The following SCARF2 variants were observed in gnomAD, a reference collection of about 807,000 sequenced individuals.
SCARF2 encodes scavenger receptor class F member 2.
A neutral mutation model predicts 73.4 loss-of-function variants in SCARF2; 39 were observed. The ratio of observed to expected loss-of-function variants is 0.53; its 90% CI spans 0.41 to 0.69. SCARF2 has a LOEUF of 0.69. SCARF2 is among the 30% of genes least tolerant of loss of function. SCARF2 has a pLI of 0.00. For synonymous variants in SCARF2, 605 were observed against 590.0 expected (o/e 1.03, Z -0.37); for missense variants, 1,148 against 1,303.5 (o/e 0.88, Z 1.84).
In SCARF2 at chr22:20,425,248, G is replaced by T; in HGVS notation, c.*127C>A. The stretch of plus-strand genomic sequence containing the variant: ...GCTGCAGGACCTGAGCCAATGAGAC[G>T]CAACCTCCGCTAGCCGCGCGGTGCC... On this transcript the variant is annotated 3_prime_UTR_variant, in exon 11 of 11. Transcript: ENST00000622235. This position sits in a 1 kb window ranked among gnomAD's most constrained non-coding sequence, Gnocchi z 4.6. 1.3e-6 allele frequency: 1 copy of T among 780,880 alleles called. No individual in the cohort carries two copies. The highest frequency in any genetic ancestry group is 3.4e-5 in the East Asian group (1 of 29,528). The allele number at this position is 780,880 out of a possible 1,614,324, so 48.4% of individuals were successfully genotyped here.
chr22:20,431,819 G>T lies in SCARF2; in HGVS notation c.260C>A (p.Ser87Ter). The T allele has an allele frequency of 6.3e-7, 1 of 1,598,890 alleles. No individual in the cohort carries two copies. The highest frequency in any genetic ancestry group is 8.5e-7 in the Non-Finnish European group (1 of 1,173,980). The change falls in exon 3 of 11, where the codon TCA becomes TAA. Residue 87 changes from serine to a stop codon, truncating the protein, a stop_gained. Coordinates refer to ENST00000622235, the MANE Select transcript of SCARF2 (RefSeq NM_182895.5). LOFTEE classifies it high-confidence loss of function. ...AGGCCTCACGCACACCTCGTTCTCT[G>T]AGCACGTGGAGTTGCCTTCGCACAC... ...IAVCEGNSTC[S>*]ENEVCVRPGE...
intron 6 of SCARF2, 200 bp from the exon 7 acceptor site, chr22:20,430,033 C>T: frequency 1.6e-6 from 1 of 641,526 alleles, no homozygotes; most frequent in Non-Finnish European, 2.7e-6. Context: ...ACGAATGTTG[C>T]ACAACACTAG....
In SCARF2 at chr22:20,425,467, G is replaced by A. The variant is rs1012115551; in HGVS notation, c.2509C>T (p.Pro837Ser). The change falls in exon 11 of 11, where the codon CCC becomes TCC. Residue 837 changes from proline to serine, a missense_variant. Around this residue, in one of 5 missense-constraint regions of SCARF2, gnomAD observed 169 missense variants for 136.9 expected, o/e 1.23. Coordinates refer to ENST00000622235, the MANE Select transcript of SCARF2 (RefSeq NM_182895.5). The surrounding 1 kb of genome is among the most constrained non-coding windows in gnomAD (Gnocchi z 4.6). Reference sequence around the variant, plus strand: ...TTCTGGATGGGGGTCTTCTTCCGGGGGGTCTCAGGCGCGGGCAAGTCGGTC... The same window carrying A: ...TTCTGGATGGGGGTCTTCTTCCGGGAGGTCTCAGGCGCGGGCAAGTCGGTC... ...AATDLPAPET[P>S]RKKTPIQKPP... The A allele has an allele frequency of 2.1e-6, 3 of 1,405,176 alleles. No homozygotes were observed. Among genetic ancestry groups the A allele is most frequent in the Admixed American group, 2.7e-5 (1 of 36,908 alleles). The allele number at this position is 1,405,176 out of a possible 1,614,324, so 87.0% of individuals were successfully genotyped here. A position where few individuals can be genotyped will look rare whatever the true frequency, so the allele number is the denominator to read the frequency against.
In SCARF2 at chr22:20,429,489, G is replaced by T; in HGVS notation, c.1424+47C>A. 6.2e-7 allele frequency: 1 copy of T among 1,605,476 alleles called. No homozygotes were observed. Among genetic ancestry groups the T allele is most frequent in the Non-Finnish European group, 8.5e-7 (1 of 1,177,380 alleles). ...GGATCTGGGTCCGGTGGCACCCAGA[G>T]GGTGCGGCCTGAACCCAGGCGAAAG... On this transcript the variant is annotated intron_variant, in intron 8 of 10. Transcript: ENST00000622235. This position sits in a 1 kb window ranked among gnomAD's most constrained non-coding sequence, Gnocchi z 5.2.
chr22:20,425,966 G>A lies in SCARF2; in HGVS notation c.2010C>T (p.Gly670=). The change falls in exon 11 of 11, where the codon GGC becomes GGT. Residue 670 remains glycine (G), a synonymous_variant. Transcript: ENST00000622235. This position sits in a 1 kb window ranked among gnomAD's most constrained non-coding sequence, Gnocchi z 4.6. Reference sequence around the variant, plus strand: ...GGCCAGCTGCAGCGGCGCTGTGCTTGCCGTGGATCCAGGACACCTTAGGCT... The same window carrying A: ...GGCCAGCTGCAGCGGCGCTGTGCTTACCGTGGATCCAGGACACCTTAGGCT... ...ATKPKVSWIH[G]KHSAAAAGRA... 6.3e-7 allele frequency: 1 copy of A among 1,594,646 alleles called. No homozygotes were observed. The highest frequency in any genetic ancestry group is 8.5e-7 in the Non-Finnish European group (1 of 1,174,980).
In SCARF2 at chr22:20,425,131, A is replaced by G. The variant is rs2052556742; in HGVS notation, c.*244T>C. ...GTCGGAGCGCTCCATAACTCGGCCA[A>G]TGGGGAGGGAGTCGCCCGCTAAGCG... is the stretch of plus-strand genomic sequence containing the variant. On this transcript the variant is annotated 3_prime_UTR_variant, in exon 11 of 11. Coordinates refer to ENST00000622235, the MANE Select transcript of SCARF2 (RefSeq NM_182895.5). This position sits in a 1 kb window ranked among gnomAD's most constrained non-coding sequence, Gnocchi z 4.6. The G allele has an allele frequency of 2.6e-6, 1 of 391,194 alleles. No individual in the cohort carries two copies. Among genetic ancestry groups the G allele is most frequent in the Non-Finnish European group, 4.5e-6 (1 of 222,056 alleles). 24.2% of individuals were successfully genotyped at this position (391,194 alleles called of 1,614,324 possible). A position where few individuals can be genotyped will look rare whatever the true frequency, so the allele number is the denominator to read the frequency against.
intron 1 of SCARF2, among the ~76,000 whole-genome samples, chr22:20,434,935 C>T (rs959227727): frequency 5.3e-5 from 8 of 152,204 alleles, no homozygotes; most frequent in African/African-American, 1.9e-4. Flanking sequence ...CCTCTGGTTT[C>T]TGTCCCCATC....
intron 1 of SCARF2, among the ~76,000 whole-genome samples, chr22:20,433,890 G>C (rs934918433): frequency 1.3e-5 from 2 of 152,222 alleles, no homozygotes; most frequent in Non-Finnish European, 2.9e-5. Flanking sequence ...AGCCTCTGCA[G>C]GTGTCCCTCC....
chr22:20,427,090 C>T (rs1233344719), intron 10 of SCARF2, among the ~76,000 whole-genome samples: 2 of 152,154 alleles, frequency 1.3e-5, no homozygotes, highest in Non-Finnish European at 2.9e-5. Flanking sequence ...AACTCCCATA[C>T]TCTGTGGATC....
At chr22:20,427,079 C>T (rs1452338647) in intron 10 of SCARF2, among the ~76,000 whole-genome samples, 1 of 151,892 alleles carries the variant, frequency 6.6e-6, no homozygotes, top group African/African-American at 2.4e-5. Flanking sequence ...TGTGTGGATC[C>T]AACTCCCATA....
intron 1 of SCARF2, among the ~76,000 whole-genome samples, chr22:20,435,747 A>G (rs180756837): frequency 4.1e-4 from 62 of 152,068 alleles, no homozygotes; most frequent in African/African-American, 1.4e-3. Context: ...CCCCAACCCA[A>G]CACCTCCCAG....
In SCARF2 at chr22:20,429,175, T is replaced by G; in HGVS notation, c.1540+50A>C. The stretch of plus-strand genomic sequence containing the variant: ...CCCTCACACCCATTTCCCAGCAGCT[T>G]CCTGCGTCGAGAGGTGTTTCTCCCA... On this transcript the variant is annotated intron_variant, in intron 9 of 10. Transcript: ENST00000622235. The surrounding 1 kb of genome is among the most constrained non-coding windows in gnomAD (Gnocchi z 5.2). 2 of 1,612,534 alleles carry G rather than the reference T, an allele frequency of 1.2e-6. No individual in the cohort carries two copies. The highest frequency in any genetic ancestry group is 2.2e-5 in the East Asian group (1 of 44,856).
At chr22:20,434,608 A>G (rs1337437447) in intron 1 of SCARF2, among the ~76,000 whole-genome samples, 1 of 152,210 alleles carries the variant, frequency 6.6e-6, no homozygotes, top group Non-Finnish European at 1.5e-5. Flanking sequence ...AAGATCTTAC[A>G]AAGACGGGTG....
intron 1 of SCARF2, among the ~76,000 whole-genome samples, chr22:20,433,773 G>GCCCTGACCC (rs2052671122): frequency 1.3e-5 from 2 of 152,248 alleles, no homozygotes. Context: ...CACCCACCCA[G>GCCCTGACCC]CCCTGACCCA....
At chr22:20,434,844 G>T (rs557104243) in intron 1 of SCARF2, among the ~76,000 whole-genome samples, 13 of 152,254 alleles carry the variant, frequency 8.5e-5, no homozygotes, top group Non-Finnish European at 1.3e-4. Flanking sequence ...CCCAAATCCA[G>T]GCAGAAAAGC....
Position 20,437,820 on chromosome 22 carries a change from C to G in SCARF2, c.-66G>C, listed in dbSNP as rs1266007571. On this transcript the variant is annotated 5_prime_UTR_variant, in exon 1 of 11. Coordinates refer to ENST00000622235, the MANE Select transcript of SCARF2 (RefSeq NM_182895.5). ...CGGCCGCAGCGAGAGCGGCCGGAAG[C>G]GGAGTGCGAGGCCGGGCGGGGGGCG... 2 of 646,948 alleles carry G rather than the reference C, an allele frequency of 3.1e-6. No homozygotes were observed. Among genetic ancestry groups the G allele is most frequent in the Admixed American group, 1.3e-4 (2 of 15,688 alleles). 40.1% of individuals were successfully genotyped at this position (646,948 alleles called of 1,614,324 possible).
intron 1 of SCARF2, among the ~76,000 whole-genome samples, chr22:20,435,241 C>T (rs2052687970): frequency 1.3e-5 from 2 of 152,194 alleles, no homozygotes. Context: ...CTTGTCTACA[C>T]CAGATCCATT....
intron 5 of SCARF2, 65 bp downstream of exon 5, chr22:20,430,625 G>A (rs2052633235): frequency 1.2e-6 from 2 of 1,606,750 alleles, no homozygotes; most frequent in Admixed American, 3.4e-5. Context: ...TCGACATTGG[G>A]GCCTTTGTTA....
At chr22:20,430,355 G>A (rs2052627973) in intron 6 of SCARF2, 74 bp downstream of exon 6, 20 of 1,510,096 alleles carry the variant, frequency 1.3e-5, no homozygotes, top group Non-Finnish European at 1.8e-5. Context: ...GGGTGGAGAG[G>A]CCACCTCGTC....
Sources: gnomAD v4.1 joint callset for allele counts (sites outside exome capture counted in the v4.1 genomes callset) on GRCh38, gnomAD v4.1.1 for gene constraint, gnomAD v4.1.1 regional missense constraint, Gnocchi (gnomAD v3.1) non-coding constraint, MANE v1.5 for transcripts, NCBI Gene and HGNC (gene_info 2026-07-23, HGNC 2026-07-21) for gene names.